The following MED12L variants were observed in gnomAD, a reference collection of about 807,000 sequenced individuals.
MED12L encodes the protein mediator of RNA polymerase II transcription subunit 12-like protein.
A neutral mutation model predicts 281.3 loss-of-function variants in MED12L; 60 were observed. The observed-to-expected ratio is 0.21, with a 90% CI of 0.17 to 0.26. MED12L has a LOEUF of 0.26. MED12L is among the 10% of genes least tolerant of loss of function. MED12L has a pLI of 1.00. For missense variants in MED12L, 2,146 were observed against 2,680.9 expected (o/e 0.80, Z 4.41); for synonymous variants, 974 against 987.2 (o/e 0.99, Z 0.25).
At chr3:151,105,365 G>A (rs1251601440) in intron 2 of MED12L, among the ~76,000 whole-genome samples, 1 of 152,108 alleles carries the variant, frequency 6.6e-6, no homozygotes, top group Non-Finnish European at 1.5e-5. Context: ...GAAGCATCCA[G>A]TGTACTCACT....
intron 16 of MED12L, among the ~76,000 whole-genome samples, chr3:151,228,061 A>G (rs541622946): frequency 6.6e-6 from 1 of 152,308 alleles, no homozygotes; most frequent in African/African-American, 2.4e-5. Flanking sequence ...TTGGGGTCAG[A>G]CCTTAACTGT....
At position 151,435,294 on chromosome 3, in the gene MED12L, C is replaced by T. The variant is rs1423771947; in HGVS notation, c.*2490C>T. On this transcript the variant is annotated 3_prime_UTR_variant, in exon 45 of 45. Coordinates refer to ENST00000687756, the MANE Select transcript of MED12L (RefSeq NM_001393769.1). ...CTTGGATATAAGAAGCCCATAGACT[C>T]TCTTGTTTACACTGTAGGCTTTTTC... The T allele has an allele frequency of 6.6e-6, 1 of 152,018 alleles. No individual in the cohort carries two copies. The highest frequency in any genetic ancestry group is 1.5e-5 in the Non-Finnish European group (1 of 67,994). 9.4% of individuals were successfully genotyped at this position (152,018 alleles called of 1,614,324 possible). A position where few individuals can be genotyped will look rare whatever the true frequency, so the allele number is the denominator to read the frequency against.
intron 11 of MED12L, among the ~76,000 whole-genome samples, chr3:151,172,488 C>T (rs902794243): frequency 1.3e-5 from 2 of 152,192 alleles, no homozygotes; most frequent in Non-Finnish European, 1.5e-5. Flanking sequence ...ATACCCATCA[C>T]GCAGTCTACT....
intron 2 of MED12L, among the ~76,000 whole-genome samples, chr3:151,095,727 C>CT (rs967807394): frequency 2.0e-5 from 3 of 152,046 alleles, no homozygotes; most frequent in African/African-American, 2.4e-5. Flanking sequence ...TCACTAAAAA[C>CT]TTTTTTTTCT....
intron 16 of MED12L, among the ~76,000 whole-genome samples, chr3:151,216,845 T>G (rs1036241286): frequency 1.3e-5 from 2 of 152,218 alleles, no homozygotes; most frequent in Non-Finnish European, 2.9e-5. Flanking sequence ...CTGTGGCTGG[T>G]AACTAATTTG....
intron 36 of MED12L, among the ~76,000 whole-genome samples, chr3:151,387,288 A>C (rs1713560650): frequency 6.6e-6 from 1 of 152,060 alleles, no homozygotes; most frequent in Non-Finnish European, 1.5e-5. Context: ...TCTAATAATA[A>C]TATTATATTC....
intron 5 of MED12L, among the ~76,000 whole-genome samples, chr3:151,145,692 A>G (rs937853687): frequency 3.9e-5 from 6 of 152,178 alleles, no homozygotes; most frequent in African/African-American, 9.7e-5. Context: ...AGTTATCTCA[A>G]AATAAGAAGT....
At chr3:151,275,614 A>G (rs776289432) in intron 16 of MED12L, among the ~76,000 whole-genome samples, 10 of 152,176 alleles carry the variant, frequency 6.6e-5, no homozygotes, top group Non-Finnish European at 1.0e-4. Flanking sequence ...GAATTAATGT[A>G]ACCAAATGAT....
At chr3:151,194,892 C>T (rs867382863) in intron 16 of MED12L, among the ~76,000 whole-genome samples, 1 of 152,026 alleles carries the variant, frequency 6.6e-6, no homozygotes, top group Non-Finnish European at 1.5e-5. Context: ...GGGCCGGGCG[C>T]GGTGGCTCAT....
chr3:151,352,854 A>G (rs925661265), intron 17 of MED12L, among the ~76,000 whole-genome samples: 4 of 152,176 alleles, frequency 2.6e-5, no homozygotes, highest in Non-Finnish European at 5.9e-5. Context: ...GGACTTAAAG[A>G]TTTTTAAAAA....
intron 16 of MED12L, among the ~76,000 whole-genome samples, chr3:151,251,975 A>T (rs1056279437): frequency 6.6e-6 from 1 of 152,162 alleles, no homozygotes; most frequent in Non-Finnish European, 1.5e-5. Context: ...TTCTTTTAAC[A>T]TACCTTGAAA....
At chr3:151,363,307 A>G (rs761428656) in intron 21 of MED12L, among the ~76,000 whole-genome samples, 1 of 152,198 alleles carries the variant, frequency 6.6e-6, no homozygotes, top group Non-Finnish European at 1.5e-5. Context: ...CAAAAGCTGG[A>G]TACACAGAGA....
At chr3:151,244,890 AAAG>A (rs1467483872) in intron 16 of MED12L, among the ~76,000 whole-genome samples, 1 of 152,096 alleles carries the variant, frequency 6.6e-6, no homozygotes, top group Non-Finnish European at 1.5e-5. Flanking sequence ...ATAAAGAAAA[AAAG>A]AGAGAAGAAT....
intron 16 of MED12L, among the ~76,000 whole-genome samples, chr3:151,280,190 G>A (rs538343609): frequency 6.6e-6 from 1 of 152,344 alleles, no homozygotes; most frequent in South Asian, 2.1e-4. Context: ...AGACACTTGG[G>A]AGTAGAGGGA....
chr3:151,213,596 C>T (rs1727577129), intron 16 of MED12L: 1 of 1,614,040 alleles, frequency 6.2e-7, no homozygotes, highest in Non-Finnish European at 8.5e-7. Context: ...ACAAAAAACA[C>T]AAACACGATG....
chr3:151,117,048 G>A lies in MED12L; in HGVS notation c.204+606G>A, dbSNP rs534453783. ...CATCAGTTGATGACTCCTGCTGAAT[G>A]ATTTATTTTGCTGGTGATTGCAAAA... On this transcript the variant is annotated intron_variant, in intron 3 of 44. Transcript: ENST00000687756. Among the ~76,000 whole-genome samples the A allele has an allele frequency of 6.6e-5, 10 of 152,248 alleles. No homozygotes were observed. The South Asian group carries it at 2.1e-3, about 32-fold the overall frequency.
At chr3:151,283,385 C>CA (rs1743064386) in intron 16 of MED12L, among the ~76,000 whole-genome samples, 1 of 152,214 alleles carries the variant, frequency 6.6e-6, no homozygotes, top group African/African-American at 2.4e-5. Flanking sequence ...TGTTACAAAA[C>CA]AAAAACTTTT....
At chr3:151,317,612 G>A (rs977519745) in intron 16 of MED12L, among the ~76,000 whole-genome samples, 10 of 151,156 alleles carry the variant, frequency 6.6e-5, no homozygotes, top group African/African-American at 1.9e-4. Context: ...GACTACACCC[G>A]GCTAATTTTT....
intron 16 of MED12L, among the ~76,000 whole-genome samples, chr3:151,293,925 G>A (rs1744680721): frequency 6.6e-6 from 1 of 152,060 alleles, no homozygotes; most frequent in Admixed American, 6.6e-5. Context: ...CATTGCTGTG[G>A]CTCATTCTGC....
Sources: allele counts gnomAD v4.1 joint callset (sites outside exome capture counted in the v4.1 genomes callset), GRCh38; gene constraint gnomAD v4.1.1; transcripts MANE v1.5; gene names NCBI Gene and HGNC (gene_info 2026-07-23, HGNC 2026-07-21).